Variants in ULK2 observed in about 807,000 individuals in gnomAD.
The protein encoded by ULK2 is serine/threonine-protein kinase ULK2.
ULK2 carries 76 observed loss-of-function variants against 127.5 expected under a neutral mutation model. That is an observed-to-expected ratio of 0.60 (90% CI 0.50 to 0.72). The LOEUF is 0.72. Among genes scored for constraint, ULK2 ranks in the 30% least tolerant of loss-of-function variants. ULK2 has a pLI of 0.00. For missense variants in ULK2, 1,144 were observed against 1,295.9 expected (o/e 0.88, Z 1.80); for synonymous variants, 452 against 461.9 (o/e 0.98, Z 0.28).
rs534029172 is a variant in ULK2, at chr17:19,788,950, G to GT, written c.2102-2865dup. Among the ~76,000 whole-genome samples, 14 of 152,286 alleles carry GT rather than the reference G, an allele frequency of 9.2e-5. No individual in the cohort carries two copies. The East Asian group carries it at 2.3e-3, about 25-fold the overall frequency. ...ATACAATACCAGGTAGATTTCTAAG[G>GT]TTTTTTATTCCAACCCCTGACTCCT... On this transcript the variant is annotated intron_variant, in intron 20 of 26. Coordinates refer to ENST00000395544, the MANE Select transcript of ULK2 (RefSeq NM_014683.4).
intron 15 of ULK2, 75 bp downstream of exon 15, chr17:19,804,618 A>AT (rs1489787932): frequency 7.4e-6 from 11 of 1,489,014 alleles, no homozygotes; most frequent in Non-Finnish European, 9.9e-6. Flanking sequence ...AGAAAGTAAC[A>AT]TATCTTCCAA....
At chr17:19,825,343 T>C (rs1184049953) in intron 11 of ULK2, among the ~76,000 whole-genome samples, 161 bp from the exon 12 acceptor site, 2 of 152,312 alleles carry the variant, frequency 1.3e-5, no homozygotes, top group East Asian at 1.9e-4. Context: ...AATGCAGCAA[T>C]TACTAAAACT....
At chr17:19,784,211 C>T (rs1362498353) in intron 21 of ULK2, among the ~76,000 whole-genome samples, 1 of 152,018 alleles carries the variant, frequency 6.6e-6, no homozygotes, top group African/African-American at 2.4e-5. Flanking sequence ...AATTATAAAA[C>T]TCAATGGATG....
Position 19,771,432 on chromosome 17 carries a change from C to G in ULK2, c.*4917G>C, listed in dbSNP as rs1015680228. 1 of 152,222 alleles carries G rather than the reference C, an allele frequency of 6.6e-6. No homozygotes were observed. Among genetic ancestry groups the G allele is most frequent in the Non-Finnish European group, 1.5e-5 (1 of 68,052 alleles). 9.4% of individuals were successfully genotyped at this position (152,222 alleles called of 1,614,324 possible). ...GCAACTTCTATGCAAGAACTGTGTC[C>G]TTTCAGAAGCTCCAGCCAGAGCGTA... is the stretch of plus-strand genomic sequence containing the variant. On this transcript the variant is annotated 3_prime_UTR_variant, in exon 27 of 27. Coordinates refer to ENST00000395544, the MANE Select transcript of ULK2 (RefSeq NM_014683.4).
At chr17:19,852,958 A>G (rs1399746628) in intron 3 of ULK2, among the ~76,000 whole-genome samples, 1 of 151,870 alleles carries the variant, frequency 6.6e-6, no homozygotes, top group Admixed American at 6.6e-5. Context: ...CCAATTTTTA[A>G]AAGTCAAAAT....
At chr17:19,866,276 G>C (rs2042349102) in intron 1 of ULK2, among the ~76,000 whole-genome samples, 1 of 151,752 alleles carries the variant, frequency 6.6e-6, no homozygotes, top group Non-Finnish European at 1.5e-5. Context: ...GGGCAGATCG[G>C]ATCACCTGAG....
chr17:19,820,247 C>T (rs2041105044), intron 12 of ULK2, among the ~76,000 whole-genome samples: 1 of 152,070 alleles, frequency 6.6e-6, no homozygotes, highest in Non-Finnish European at 1.5e-5. Flanking sequence ...TAGGGTTTCA[C>T]CATGTTGGCC....
intron 26 of ULK2, among the ~76,000 whole-genome samples, chr17:19,776,880 G>T (rs1381782005): frequency 1.3e-5 from 2 of 152,150 alleles, no homozygotes; most frequent in Non-Finnish European, 2.9e-5. Context: ...TAAAACTAAA[G>T]TCCTCCTACA....
rs372745158 is a variant in ULK2, at chr17:19,850,348, T to C, written c.226-574A>G. On this transcript the variant is annotated intron_variant, in intron 3 of 26. Coordinates refer to ENST00000395544, the MANE Select transcript of ULK2 (RefSeq NM_014683.4). ...CATTATCAACACATGTTCCACAATG[T>C]TGAGGAAATGAATTGAGGGCTCTTA... Among the ~76,000 whole-genome samples the C allele has an allele frequency of 1.2e-4, 18 of 152,320 alleles. No individual in the cohort carries two copies. In the East Asian group the frequency reaches 2.5e-3, roughly 21 times the overall value.
chr17:19,791,307 C>G (rs773591964), intron 20 of ULK2, among the ~76,000 whole-genome samples: 1 of 152,142 alleles, frequency 6.6e-6, no homozygotes, highest in Non-Finnish European at 1.5e-5. Context: ...TGCAGCACTT[C>G]GGGAGGCTGA....
At position 19,826,822 on chromosome 17, in the gene ULK2, C is replaced by T. The variant is rs556121778; in HGVS notation, c.788-636G>A. On this transcript the variant is annotated intron_variant, in intron 10 of 26. Coordinates refer to ENST00000395544, the MANE Select transcript of ULK2 (RefSeq NM_014683.4). ...GATACAAAAAATTAGCTGGGCATGG[C>T]GGCCGGCGCCTGTAGTCCCAGCTAC... Among the ~76,000 whole-genome samples the T allele has an allele frequency of 6.7e-4, 102 of 152,054 alleles. 1 individual carries two copies. Among genetic ancestry groups the T allele is most frequent in the Non-Finnish European group, 1.2e-3 (82 of 67,982 alleles).
intron 14 of ULK2, among the ~76,000 whole-genome samples, chr17:19,809,732 C>CAAAAAAAAAAAAAAAAAAA: frequency 1.1e-5 from 1 of 90,500 alleles, no homozygotes; most frequent in Non-Finnish European, 2.0e-5. Context: ...GACTCCGTCT[C>CAAAAAAAAAAAAAAAAAAA]AAAAAAAAAA....
chr17:19,815,341 A>C (rs1321840871), intron 13 of ULK2, among the ~76,000 whole-genome samples: 1 of 151,762 alleles, frequency 6.6e-6, no homozygotes, highest in Non-Finnish European at 1.5e-5. Flanking sequence ...GCTCACTGCA[A>C]CCTCCCCCTC....
chr17:19,806,157 G>C (rs1369109317), intron 14 of ULK2, among the ~76,000 whole-genome samples: 1 of 152,136 alleles, frequency 6.6e-6, no homozygotes, highest in Non-Finnish European at 1.5e-5. Context: ...CTGCAAGCCA[G>C]TGCACTCATA....
chr17:19,793,890 G>A (rs1219400810), intron 20 of ULK2, among the ~76,000 whole-genome samples: 1 of 152,200 alleles, frequency 6.6e-6, no homozygotes, highest in Middle Eastern at 3.2e-3. Flanking sequence ...ACATATGGCA[G>A]AGATACTGGA....
intron 18 of ULK2, 72 bp downstream of exon 18, chr17:19,797,322 CTA>C (rs2152385558): frequency 1.3e-5 from 18 of 1,427,516 alleles, no homozygotes; most frequent in Non-Finnish European, 1.7e-5. Flanking sequence ...AAAATTATAG[CTA>C]TTCTCATAAT....
At chr17:19,782,615 T>C (rs1250784100) in intron 22 of ULK2, among the ~76,000 whole-genome samples, 1 of 152,210 alleles carries the variant, frequency 6.6e-6, no homozygotes, top group Non-Finnish European at 1.5e-5. Context: ...AGGGCTGTCA[T>C]TTAAAAATGG....
intron 12 of ULK2, among the ~76,000 whole-genome samples, chr17:19,824,446 CAAAAAAAA>C (rs397943235): frequency 3.0e-4 from 3 of 9,886 alleles, no homozygotes; most frequent in East Asian, 5.6e-3. Context: ...AACTCCATCT[CAAAAAAAA>C]AAAAAAAAAA....
At chr17:19,848,894 TCTTA>T (rs2041955133) in intron 5 of ULK2, among the ~76,000 whole-genome samples, 1 of 152,202 alleles carries the variant, frequency 6.6e-6, no homozygotes, top group South Asian at 2.1e-4. Flanking sequence ...AATATTAAAA[TCTTA>T]CTTCTGTACC....
Sources: allele counts gnomAD v4.1 joint callset (sites outside exome capture counted in the v4.1 genomes callset), GRCh38; gene constraint gnomAD v4.1.1; transcripts MANE v1.5; gene names NCBI Gene and HGNC (gene_info 2026-07-23, HGNC 2026-07-21).